The following PALLD variants were observed in gnomAD, a reference collection of about 807,000 sequenced individuals.
PALLD encodes the protein palladin, cytoskeletal associated protein, also known as palladin.
In PALLD, 61 loss-of-function variants were observed where a neutral mutation model predicts 123.5. The ratio of observed to expected loss-of-function variants is 0.49; its 90% CI spans 0.40 to 0.61. The LOEUF is 0.61. Among genes scored for constraint, PALLD ranks in the 20% least tolerant of loss-of-function variants. The pLI is 0.00. For missense variants in PALLD, 1,273 were observed against 1,377.0 expected, an observed-to-expected ratio of 0.92 and a Z score of 1.20; for synonymous variants, 465 against 496.4, an observed-to-expected ratio of 0.94 and a Z score of 0.84.
At chr4:168,829,421 G>A (rs1410386066) in intron 10 of PALLD, among the ~76,000 whole-genome samples, 1 of 152,094 alleles carries the variant, frequency 6.6e-6, no homozygotes, top group Non-Finnish European at 1.5e-5. Flanking sequence ...TTCCATGGCC[G>A]GTAAACACTA....
At chr4:168,622,025 C>T (rs1019292891) in intron 2 of PALLD, among the ~76,000 whole-genome samples, 3 of 152,150 alleles carry the variant, frequency 2.0e-5, no homozygotes, top group Non-Finnish European at 4.4e-5. Context: ...GTGCTGCTAA[C>T]AAGGAAAGTA....
At chr4:168,715,460 T>A (rs1785257383) in intron 10 of PALLD, among the ~76,000 whole-genome samples, 1 of 152,156 alleles carries the variant, frequency 6.6e-6, no homozygotes, top group South Asian at 2.1e-4. Context: ...TTCAATCACA[T>A]CATGAAAGAA....
chr4:168,780,266 T>G (rs1735730502), intron 10 of PALLD, among the ~76,000 whole-genome samples: 1 of 152,226 alleles, frequency 6.6e-6, no homozygotes, highest in East Asian at 1.9e-4. Context: ...TTTCCCCTCT[T>G]TTCCCTTAGG....
intron 10 of PALLD, among the ~76,000 whole-genome samples, chr4:168,812,758 T>C (rs564390137): frequency 6.6e-6 from 1 of 152,296 alleles, no homozygotes; most frequent in Non-Finnish European, 1.5e-5. Context: ...CAGCCTTCAA[T>C]TGTACTCATT....
At chr4:168,535,600 T>G (rs1246301706) in intron 2 of PALLD, among the ~76,000 whole-genome samples, 1 of 152,208 alleles carries the variant, frequency 6.6e-6, no homozygotes, top group African/African-American at 2.4e-5. Flanking sequence ...ATTGGAAATG[T>G]GCAGAGTTAT....
intron 3 of PALLD, among the ~76,000 whole-genome samples, chr4:168,678,433 G>A (rs373911491): frequency 1.2e-4 from 19 of 152,162 alleles, no homozygotes; most frequent in African/African-American, 3.4e-4. Flanking sequence ...TCTAGGTGAC[G>A]TGAGTGCTGT....
chr4:168,668,514 A>C, intron 3 of PALLD, 146 bp downstream of exon 3: 1 of 591,924 alleles, frequency 1.7e-6, no homozygotes, highest in Non-Finnish European at 2.8e-6. Context: ...AACCTTTATA[A>C]ATTGAACTGT....
intron 8 of PALLD, among the ~76,000 whole-genome samples, chr4:168,702,894 T>A (rs556642755): frequency 0.087 from 12,945 of 149,630 alleles, 597 homozygotes; most frequent in Middle Eastern, 0.14. Flanking sequence ...TTATTTATTT[T>A]ATTTATTTAT....
chr4:168,795,117 C>T (rs900944418), intron 10 of PALLD, among the ~76,000 whole-genome samples: 13 of 152,146 alleles, frequency 8.5e-5, no homozygotes, highest in African/African-American at 3.1e-4. Context: ...GACCTAATCA[C>T]CTCCCAAAGG....
chr4:168,863,146 C>G (rs1749743377), intron 10 of PALLD, among the ~76,000 whole-genome samples: 2 of 152,048 alleles, frequency 1.3e-5, no homozygotes, highest in Admixed American at 1.3e-4. Flanking sequence ...GTACATTTGA[C>G]GGGGGATGAT....
chr4:168,825,231 A>G (rs1054584829), intron 10 of PALLD, among the ~76,000 whole-genome samples: 2 of 152,216 alleles, frequency 1.3e-5, no homozygotes, highest in East Asian at 1.9e-4. Context: ...ATATTTAAAG[A>G]AAGTTTAATT....
intron 10 of PALLD, among the ~76,000 whole-genome samples, chr4:168,873,692 T>A (rs1751373318): frequency 6.6e-6 from 1 of 152,250 alleles, no homozygotes; most frequent in Non-Finnish European, 1.5e-5. Context: ...CTATAGAGAA[T>A]GATGTGGCAC....
intron 17 of PALLD, among the ~76,000 whole-genome samples, chr4:168,919,582 AAGTT>A (rs1761006983): frequency 6.6e-6 from 1 of 152,058 alleles, no homozygotes; most frequent in South Asian, 2.1e-4. Flanking sequence ...GAAAAAAAAA[AAGTT>A]AGTGTATTTA....
At chr4:168,542,440 A>T (rs574234073) in intron 2 of PALLD, among the ~76,000 whole-genome samples, 1 of 151,748 alleles carries the variant, frequency 6.6e-6, no homozygotes, top group East Asian at 1.9e-4. Context: ...TAAAAAAAAA[A>T]CTGCTGCACC....
chr4:168,527,090 T>C (rs1411567172), intron 2 of PALLD, among the ~76,000 whole-genome samples: 1 of 152,168 alleles, frequency 6.6e-6, no homozygotes, highest in African/African-American at 2.4e-5. Flanking sequence ...TGTGAAAAAT[T>C]GTGTGTACTC....
At chr4:168,722,455 A>G (rs991217550) in intron 10 of PALLD, among the ~76,000 whole-genome samples, 6 of 152,248 alleles carry the variant, frequency 3.9e-5, no homozygotes, top group Non-Finnish European at 7.3e-5. Context: ...TGAAGGAGAA[A>G]AGATGCAATG....
At chr4:168,856,525 A>G (rs1286982272) in intron 10 of PALLD, among the ~76,000 whole-genome samples, 1 of 152,174 alleles carries the variant, frequency 6.6e-6, no homozygotes, top group East Asian at 1.9e-4. Context: ...TTGACGTTGT[A>G]GTAATAGCCA....
chr4:168,907,965 G>T (rs1482270688), intron 15 of PALLD, among the ~76,000 whole-genome samples: 4 of 152,174 alleles, frequency 2.6e-5, no homozygotes, highest in African/African-American at 9.7e-5. Flanking sequence ...AAGGGGTAGG[G>T]CTAAGAGTCT....
At chr4:168,845,523 T>C (rs1746709920) in intron 10 of PALLD, among the ~76,000 whole-genome samples, 1 of 152,218 alleles carries the variant, frequency 6.6e-6, no homozygotes, top group Non-Finnish European at 1.5e-5. Flanking sequence ...CATTAGGTAT[T>C]ATAAGTAATC....
Sources: gnomAD v4.1 joint callset for allele counts (sites outside exome capture counted in the v4.1 genomes callset) on GRCh38, gnomAD v4.1.1 for gene constraint, MANE v1.5 for transcripts, NCBI Gene and HGNC (gene_info 2026-07-23, HGNC 2026-07-21) for gene names.